Variants in ESRRG observed in about 807,000 individuals in gnomAD.
ESRRG encodes the protein estrogen related receptor gamma.
A neutral mutation model predicts 44.0 loss-of-function variants in ESRRG; 13 were observed. That is an observed-to-expected ratio of 0.30 (90% CI 0.19 to 0.47). The LOEUF is 0.47. Among genes scored for constraint, ESRRG ranks in the 20% least tolerant of loss-of-function variants. The pLI is 1.00. For synonymous variants in ESRRG, 215 were observed against 214.6 expected (o/e 1.00, Z -0.02); for missense variants, 395 against 580.6 (o/e 0.68, Z 3.29).
intron 2 of ESRRG, among the ~76,000 whole-genome samples, chr1:216,828,358 C>T (rs1462771979): frequency 3.3e-5 from 5 of 151,998 alleles, no homozygotes; most frequent in African/African-American, 1.2e-4. Flanking sequence ...TTTACCTGTT[C>T]GTTTGGTTGG....
In ESRRG at chr1:217,066,906, A is replaced by C. The variant is rs779982567; in HGVS notation, c.-106+22601T>G. 3.0e-3 allele frequency among the ~76,000 whole-genome samples: 464 copies of C among 152,352 alleles called. 5 individuals carry two copies. Among genetic ancestry groups the C allele is most frequent in the Non-Finnish European group, 3.2e-3 (221 of 68,034 alleles). On this transcript the variant is annotated intron_variant, in intron 1 of 7. Transcript: ENST00000359162. ...AATAGATGAATGAACTACAGACGTA[A>C]GTTCTCTAAAATGTGCCTCGAATGT...
At chr1:217,096,501 A>G (rs192775381) in intron 1 of ESRRG, among the ~76,000 whole-genome samples, 1 of 152,332 alleles carries the variant, frequency 6.6e-6, no homozygotes, top group Admixed American at 6.5e-5. Context: ...TCAACTTCCC[A>G]GAACCTGGAT....
chr1:216,717,919 A>G (rs2085268690), intron 1 of ESRRG, among the ~76,000 whole-genome samples: 1 of 151,888 alleles, frequency 6.6e-6, no homozygotes, highest in Non-Finnish European at 1.5e-5. Context: ...AAAAGAATGT[A>G]GCCAAGAGCT....
intron 2 of ESRRG, among the ~76,000 whole-genome samples, chr1:216,914,064 A>G (rs1203850920): frequency 6.6e-6 from 1 of 152,098 alleles, no homozygotes; most frequent in East Asian, 1.9e-4. Flanking sequence ...AGAAAAACCT[A>G]TTTCAAGTTC....
At chr1:217,031,960 G>A (rs1306436819) in intron 1 of ESRRG, among the ~76,000 whole-genome samples, 1 of 152,160 alleles carries the variant, frequency 6.6e-6, no homozygotes, top group Non-Finnish European at 1.5e-5. Context: ...CTTTATAGCA[G>A]CATGAGAACA....
At chr1:217,091,613 G>A (rs559840473), upstream of ESRRG, among the ~76,000 whole-genome samples, 6 of 152,324 alleles carry the variant, frequency 3.9e-5, no homozygotes, top group East Asian at 1.2e-3. Context: ...CTTGGCCTAT[G>A]TCTCTCCACC....
intron 1 of ESRRG, among the ~76,000 whole-genome samples, chr1:217,100,758 C>A (rs2092498909): frequency 6.6e-6 from 1 of 152,142 alleles, no homozygotes; most frequent in African/African-American, 2.4e-5. Flanking sequence ...AGGTGCCACT[C>A]TCTTTTAAAC....
intron 2 of ESRRG, among the ~76,000 whole-genome samples, chr1:216,918,537 A>G (rs1560107805): frequency 6.6e-6 from 1 of 152,258 alleles, no homozygotes; most frequent in South Asian, 2.1e-4. Flanking sequence ...TATTCCTCAC[A>G]TGCAAACTTC....
chr1:216,990,223 C>T (rs572064252), intron 1 of ESRRG, among the ~76,000 whole-genome samples: 2 of 152,228 alleles, frequency 1.3e-5, no homozygotes, highest in East Asian at 1.9e-4. Flanking sequence ...AAAATGGATG[C>T]TGATCAATGT....
chr1:217,053,274 G>A (rs2086428385), intron 1 of ESRRG, among the ~76,000 whole-genome samples: 1 of 151,876 alleles, frequency 6.6e-6, no homozygotes, highest in East Asian at 1.9e-4. Context: ...GGCCAACATG[G>A]TGAAACCCCG....
At chr1:216,868,887 GTCT>G (rs960686431) in intron 2 of ESRRG, among the ~76,000 whole-genome samples, 36 of 152,008 alleles carry the variant, frequency 2.4e-4, no homozygotes, top group African/African-American at 8.0e-4. Flanking sequence ...GTCTGTTCAA[GTCT>G]TTTGCACATT....
At chr1:216,652,391 G>A (rs1183884167) in intron 2 of ESRRG, among the ~76,000 whole-genome samples, 1 of 152,062 alleles carries the variant, frequency 6.6e-6, no homozygotes, top group Non-Finnish European at 1.5e-5. Context: ...GTGGATTGCA[G>A]GGTAGCACAA....
chr1:216,941,978 G>A (rs1579635), intron 1 of ESRRG, among the ~76,000 whole-genome samples: 24,805 of 151,982 alleles, frequency 0.16, 2,240 homozygotes, highest in Middle Eastern at 0.26. Flanking sequence ...TATATTCTGC[G>A]ATGCTGAGAT....
chr1:216,961,890 C>T (rs1327013391), intron 1 of ESRRG, among the ~76,000 whole-genome samples: 1 of 152,108 alleles, frequency 6.6e-6, no homozygotes, highest in Non-Finnish European at 1.5e-5. Context: ...CATATACGCA[C>T]ACAAAATAAA....
intron 2 of ESRRG, among the ~76,000 whole-genome samples, chr1:216,817,309 G>A (rs2095169820): frequency 6.6e-6 from 1 of 152,136 alleles, no homozygotes; most frequent in Non-Finnish European, 1.5e-5. Context: ...TATCATCTGA[G>A]TATGAAAAAG....
chr1:216,744,753 A>G (rs1204323713), intron 2 of ESRRG, among the ~76,000 whole-genome samples: 1 of 152,132 alleles, frequency 6.6e-6, no homozygotes, highest in Admixed American at 6.6e-5. Flanking sequence ...CTGTTCTTCT[A>G]GCAATATTGC....
chr1:216,765,536 T>G (rs569122888), intron 2 of ESRRG, among the ~76,000 whole-genome samples: 1 of 152,222 alleles, frequency 6.6e-6, no homozygotes, highest in Non-Finnish European at 1.5e-5. Flanking sequence ...TTATCAAGTT[T>G]ATCAAGTCCC....
intron 2 of ESRRG, among the ~76,000 whole-genome samples, chr1:216,912,241 G>A (rs2149603922): frequency 1.7e-5 from 1 of 59,518 alleles, no homozygotes; most frequent in Non-Finnish European, 4.3e-5. Flanking sequence ...GAGAGGAGAG[G>A]AGAGGAGAGG....
intron 2 of ESRRG, among the ~76,000 whole-genome samples, chr1:216,737,315 T>A (rs979510098): frequency 6.6e-6 from 1 of 152,198 alleles, no homozygotes; most frequent in Non-Finnish European, 1.5e-5. Context: ...ATTCTTTAGC[T>A]GGTAGACAGG....
Sources: allele counts gnomAD v4.1 joint callset (sites outside exome capture counted in the v4.1 genomes callset), GRCh38; gene constraint gnomAD v4.1.1; transcripts MANE v1.5; gene names NCBI Gene and HGNC (gene_info 2026-07-23, HGNC 2026-07-21).